Variants in RAPGEF2 observed in about 807,000 individuals in gnomAD.
RAPGEF2 encodes the protein Rap guanine nucleotide exchange factor 2.
Under a neutral mutation model 186.7 loss-of-function variants are expected in RAPGEF2, and 54 were observed. The observed-to-expected ratio is 0.29, with a 90% confidence interval of 0.23 to 0.36. RAPGEF2 has a LOEUF of 0.36. Among genes scored for constraint, RAPGEF2 ranks in the 10% least tolerant of loss-of-function variants. RAPGEF2 has a pLI of 1.00. For missense variants in RAPGEF2, 1,532 were observed against 2,045.0 expected (o/e 0.75, Z 4.84); for synonymous variants, 712 against 705.9 (o/e 1.01, Z -0.14).
In RAPGEF2 at chr4:159,105,631, A is replaced by G. The variant is rs146703587; in HGVS notation, c.69+1400A>G. The stretch of plus-strand genomic sequence containing the variant: ...TTTATCCCAACAAGGAATGTCCTGC[A>G]TTGATCTTGTTCTTCTCTTGGTGTT... On this transcript the variant is annotated intron_variant, in intron 1 of 29. Transcript: ENST00000691494. Among the ~76,000 whole-genome samples, 755 of 152,272 alleles carry G rather than the reference A, an allele frequency of 5.0e-3. 7 individuals carry two copies. The highest frequency in any genetic ancestry group is 0.017 in the African/African-American group (693 of 41,550).
chr4:159,293,457 C>T (rs186313219), intron 7 of RAPGEF2, among the ~76,000 whole-genome samples: 7 of 152,296 alleles, frequency 4.6e-5, no homozygotes, highest in Non-Finnish European at 1.0e-4. Flanking sequence ...CAATAAATGT[C>T]GTTTGACTAG....
At chr4:159,261,348 C>A (rs1033910257) in intron 7 of RAPGEF2, among the ~76,000 whole-genome samples, 1 of 152,072 alleles carries the variant, frequency 6.6e-6, no homozygotes, top group East Asian at 1.9e-4. Flanking sequence ...GGGCGTGAGC[C>A]ACCGCATCCA....
intron 1 of RAPGEF2, among the ~76,000 whole-genome samples, chr4:159,155,792 T>A (rs1461040257): frequency 1.3e-5 from 2 of 152,106 alleles, no homozygotes; most frequent in Admixed American, 6.5e-5. Context: ...TAAACATTTA[T>A]TTTTAATATA....
chr4:159,228,510 CTATTTT>C (rs1752275298), intron 4 of RAPGEF2, among the ~76,000 whole-genome samples: 1 of 152,174 alleles, frequency 6.6e-6, no homozygotes, highest in African/African-American at 2.4e-5. Context: ...ATCTTGTACT[CTATTTT>C]TATAAGCAGA....
At chr4:159,161,588 C>T (rs1744712136) in intron 1 of RAPGEF2, among the ~76,000 whole-genome samples, 1 of 152,090 alleles carries the variant, frequency 6.6e-6, no homozygotes, top group Admixed American at 6.5e-5. Flanking sequence ...CCTGTAGTCC[C>T]AGCTACTCAG....
Position 159,353,765 on chromosome 4 carries a change from A to G in RAPGEF2, c.4370A>G (p.Asp1457Gly). The stretch of plus-strand genomic sequence containing the variant: ...TTATGGGCATCAAGCAGCCATATGG[A>G]CCAAATTATGTTTTCTGATCATAGC... ...AGLWASSSHMDQIMFSDHSTK... is the reference protein window; with the variant it reads ...AGLWASSSHMGQIMFSDHSTK... Residue 1457 changes from aspartate to glycine, a missense_variant, in exon 28 of 30, where the codon GAC (aspartate) becomes GGC (glycine). Physicochemically the swap from Asp to Gly is moderately conservative, Grantham distance 94. Coordinates refer to ENST00000691494, the MANE Select transcript of RAPGEF2 (RefSeq NM_001394067.2). This position sits in a 1 kb window ranked among gnomAD's most constrained non-coding sequence, Gnocchi z 4.3. The G allele has an allele frequency of 2.5e-6, 4 of 1,614,048 alleles. No homozygotes were observed. The highest frequency in any genetic ancestry group is 3.4e-6 in the Non-Finnish European group (4 of 1,179,964).
intron 1 of RAPGEF2, among the ~76,000 whole-genome samples, chr4:159,153,750 A>T (rs1743813715): frequency 6.6e-6 from 1 of 152,134 alleles, no homozygotes; most frequent in Non-Finnish European, 1.5e-5. Flanking sequence ...TTTCTTTGAG[A>T]AAATATCCCC....
In RAPGEF2 at chr4:159,353,952, CAGT is replaced by C; in HGVS notation, c.4560_4562del (p.Ser1521del). 3 of 1,614,014 alleles carry C rather than the reference CAGT, an allele frequency of 1.9e-6. No homozygotes were observed. Among genetic ancestry groups the C allele is most frequent in the Non-Finnish European group, 2.5e-6 (3 of 1,180,020 alleles). On this transcript the variant is annotated inframe_deletion, in exon 28 of 30. Transcript: ENST00000691494. The surrounding 1 kb of genome is among the most constrained non-coding windows in gnomAD (Gnocchi z 4.3). The stretch of plus-strand genomic sequence containing the variant: ...AGGATGTTTCCATTGAAGCCGAAAG[CAGT>C]AGCCTAACGTCTGTGACTACGGAAG...
intron 7 of RAPGEF2, among the ~76,000 whole-genome samples, chr4:159,295,244 GTT>G (rs1483787274): frequency 6.6e-6 from 1 of 152,102 alleles, no homozygotes; most frequent in Non-Finnish European, 1.5e-5. Flanking sequence ...CAGTTGGTGT[GTT>G]TTTCATTGAA....
intron 19 of RAPGEF2, among the ~76,000 whole-genome samples, chr4:159,340,077 G>C (rs1267571749): frequency 6.6e-6 from 1 of 152,142 alleles, no homozygotes; most frequent in Non-Finnish European, 1.5e-5. Context: ...AAAGAAAATA[G>C]TTGCTTTGGT....
chr4:159,258,453 G>A (rs562450105), intron 7 of RAPGEF2, among the ~76,000 whole-genome samples: 34 of 152,150 alleles, frequency 2.2e-4, no homozygotes, highest in Admixed American at 1.1e-3. Flanking sequence ...AGCATTTCCC[G>A]TCTGGAATGT....
chr4:159,170,781 G>C (rs1195148725), intron 1 of RAPGEF2, among the ~76,000 whole-genome samples: 2 of 152,090 alleles, frequency 1.3e-5, no homozygotes, highest in Non-Finnish European at 2.9e-5. Context: ...ATTATTGCCT[G>C]TACCAATGTC....
intron 8 of RAPGEF2, among the ~76,000 whole-genome samples, chr4:159,306,848 TTG>T (rs1158409740): frequency 6.6e-6 from 1 of 152,184 alleles, no homozygotes; most frequent in African/African-American, 2.4e-5. Flanking sequence ...ATTAGCTTCC[TTG>T]TGTTTTTAAA....
chr4:159,104,523 AGAGG>A (rs879376034), intron 1 of RAPGEF2, among the ~76,000 whole-genome samples: 2,900 of 122,756 alleles, frequency 0.024, 125 homozygotes, highest in African/African-American at 0.066. Context: ...AGAGAGAGAG[AGAGG>A]GAGAGACAGA....
intron 6 of RAPGEF2, among the ~76,000 whole-genome samples, chr4:159,242,327 A>T (rs988244526): frequency 2.6e-5 from 4 of 151,848 alleles, no homozygotes; most frequent in African/African-American, 9.7e-5. Context: ...ACTATTTTAC[A>T]TTCCCCAGTT....
chr4:159,346,655 C>T (rs1389612892), intron 24 of RAPGEF2, 134 bp from the exon 25 acceptor site: 2 of 742,440 alleles, frequency 2.7e-6, no homozygotes, highest in Non-Finnish European at 4.5e-6. Context: ...TTCATAAAGG[C>T]AACAGGAAGA....
intron 7 of RAPGEF2, among the ~76,000 whole-genome samples, chr4:159,260,754 T>C (rs935453620): frequency 6.6e-6 from 1 of 152,172 alleles, no homozygotes; most frequent in Admixed American, 6.5e-5. Context: ...AGGTTAATTA[T>C]TATTATTTTT....
chr4:159,104,105 G>T lies in RAPGEF2; in HGVS notation c.-58G>T, dbSNP rs1354244428. 4.1e-6 allele frequency: 5 copies of T among 1,222,870 alleles called. No individual in the cohort carries two copies. Among genetic ancestry groups the T allele is most frequent in the Non-Finnish European group, 5.5e-6 (5 of 912,742 alleles). 75.8% of individuals were successfully genotyped at this position (1,222,870 alleles called of 1,614,324 possible). ...GCAGGGCGGAGGCAGCAGCGGCGCT[G>T]GGCCGGGAGGAGGCCGGCCAGGGTG... On this transcript the variant is annotated 5_prime_UTR_variant, in exon 1 of 30. Transcript: ENST00000691494.
chr4:159,134,822 A>C (rs576875174), intron 1 of RAPGEF2, among the ~76,000 whole-genome samples: 57 of 152,330 alleles, frequency 3.7e-4, no homozygotes, highest in Middle Eastern at 6.8e-3. Context: ...CAACTTTAGG[A>C]CATTTTATCA....
Sources: gnomAD v4.1 joint callset for allele counts (sites outside exome capture counted in the v4.1 genomes callset) on GRCh38, gnomAD v4.1.1 for gene constraint, Gnocchi (gnomAD v3.1) non-coding constraint, MANE v1.5 for transcripts, NCBI Gene and HGNC (gene_info 2026-07-23, HGNC 2026-07-21) for gene names.